PLEKHG1: variants seen among roughly 807,000 people sequenced by gnomAD.
PLEKHG1 encodes pleckstrin homology and RhoGEF domain containing G1, also known as pleckstrin homology domain-containing family G member 1.
Under a neutral mutation model 100.8 loss-of-function variants are expected in PLEKHG1, and 44 were observed. The ratio of observed to expected loss-of-function variants is 0.44; its 90% CI spans 0.34 to 0.56. PLEKHG1 has a LOEUF of 0.56. Among genes scored for constraint, PLEKHG1 ranks in the 20% least tolerant of loss-of-function variants. The pLI is 0.01. For missense variants in PLEKHG1, 1,545 were observed against 1,720.9 expected, an observed-to-expected ratio of 0.90 and a Z score of 1.81; for synonymous variants, 640 against 662.5, an observed-to-expected ratio of 0.97 and a Z score of 0.52.
exon 16 of PLEKHG1, chr6:150,840,055 G>A: frequency 3.7e-6 from 6 of 1,614,146 alleles, no homozygotes; most frequent in Non-Finnish European, 4.2e-6. Context: ...CAAGACTTGA[G>A]GTCAAGATAT....
chr6:150,812,835 A>C (rs140742773), intron 10 of PLEKHG1, among the ~76,000 whole-genome samples: 227 of 152,160 alleles, frequency 1.5e-3, no homozygotes, highest in African/African-American at 5.3e-3. Context: ...CTCATCTTGG[A>C]AAGGGCTGGA....
chr6:150,637,056 GTCACCCTACTCATGACC>G (rs1194436894), intron 1 of PLEKHG1, among the ~76,000 whole-genome samples: 1 of 152,192 alleles, frequency 6.6e-6, no homozygotes, highest in Non-Finnish European at 1.5e-5. Flanking sequence ...AAGAGGGTCT[GTCACCCTACTCATGACC>G]TCCCAATTAG....
At chr6:150,758,925 T>C (rs1323388363) in intron 2 of PLEKHG1, among the ~76,000 whole-genome samples, 4 of 152,234 alleles carry the variant, frequency 2.6e-5, no homozygotes, top group Non-Finnish European at 5.9e-5. Flanking sequence ...CACCCTGCTT[T>C]CCAGGCTCCC....
At chr6:150,734,044 T>C (rs761511301) in exon 2 of PLEKHG1, 1 of 1,614,042 alleles carries the variant, frequency 6.2e-7, no homozygotes, top group Non-Finnish European at 8.5e-7. Context: ...TTCAGGAAAT[T>C]CTGGAAACCG....
chr6:150,676,270 G>C (rs1452620359), intron 3 of PLEKHG1, among the ~76,000 whole-genome samples: 1 of 152,196 alleles, frequency 6.6e-6, no homozygotes, highest in African/African-American at 2.4e-5. Context: ...CACAACGTCA[G>C]ATTCTAATTG....
At chr6:150,795,972 A>G in intron 5 of PLEKHG1, 70 bp downstream of exon 6, 1 of 968,528 alleles carries the variant, frequency 1.0e-6, no homozygotes, top group Non-Finnish European at 1.7e-6. Context: ...CTGGTGCAGT[A>G]CACATGGTTG....
chr6:150,834,362 T>C (rs1351861510), intron 15 of PLEKHG1, among the ~76,000 whole-genome samples: 1 of 152,158 alleles, frequency 6.6e-6, no homozygotes, highest in African/African-American at 2.4e-5. Flanking sequence ...ATATTGGCAA[T>C]TGCAAGCACT....
upstream of PLEKHG1, among the ~76,000 whole-genome samples, chr6:150,718,326 C>T (rs1302178491): frequency 6.6e-6 from 1 of 152,018 alleles, no homozygotes; most frequent in Non-Finnish European, 1.5e-5. Flanking sequence ...TGGTGGGGAG[C>T]ACTGGAACGC....
chr6:150,708,025 G>A (rs1024679374), intron 3 of PLEKHG1, among the ~76,000 whole-genome samples: 2 of 152,060 alleles, frequency 1.3e-5, no homozygotes, highest in African/African-American at 4.8e-5. Flanking sequence ...AATTCTCCTA[G>A]TGGGCCCCCC....
intron 4 of PLEKHG1, among the ~76,000 whole-genome samples, chr6:150,795,053 A>G (rs942971058): frequency 6.6e-6 from 1 of 152,084 alleles, no homozygotes; most frequent in Non-Finnish European, 1.5e-5. Flanking sequence ...AAAATTGGAG[A>G]ATGTGAAACC....
In PLEKHG1 at chr6:150,715,402, G is replaced by A. The variant is rs76891483; in HGVS notation, c.-98-18182G>A. ...TCTTATTTACAGGAGGAAGGTCAGC[G>A]TGTTCTTCTGAGGGACTTCAGTGCG... On this transcript the variant is annotated intron_variant, in intron 3 of 3. Transcript: ENST00000367326. Among the ~76,000 whole-genome samples, 296 of 152,120 alleles carry A rather than the reference G, an allele frequency of 1.9e-3. 9 individuals are homozygous for A. The East Asian group carries it at 0.045, about 23-fold the overall frequency.
upstream of PLEKHG1, among the ~76,000 whole-genome samples, chr6:150,717,970 C>G (rs1324563651): frequency 6.6e-6 from 1 of 152,064 alleles, no homozygotes; most frequent in Admixed American, 6.6e-5. Flanking sequence ...CCCAGCTACT[C>G]AGGAGGCTGA....
intron 2 of PLEKHG1, among the ~76,000 whole-genome samples, chr6:150,648,245 A>G (rs1442017851): frequency 1.3e-5 from 2 of 152,118 alleles, no homozygotes; most frequent in East Asian, 1.9e-4. Flanking sequence ...CTTTTATGGT[A>G]TCTTTCTAGG....
At chr6:150,681,007 C>T (rs1779910190) in intron 3 of PLEKHG1, among the ~76,000 whole-genome samples, 1 of 152,176 alleles carries the variant, frequency 6.6e-6, no homozygotes, top group African/African-American at 2.4e-5. Flanking sequence ...ATATAGAGTC[C>T]AAATTCTATA....
At chr6:150,673,824 C>G (rs573766595) in intron 3 of PLEKHG1, among the ~76,000 whole-genome samples, 1 of 152,236 alleles carries the variant, frequency 6.6e-6, no homozygotes, top group East Asian at 1.9e-4. Flanking sequence ...CCATGCCTGG[C>G]TAAATTTTTT....
intron 15 of PLEKHG1, among the ~76,000 whole-genome samples, chr6:150,838,456 A>T (rs766208303): frequency 3.9e-5 from 6 of 152,166 alleles, no homozygotes; most frequent in Admixed American, 6.5e-5. Flanking sequence ...AGTGTATTTT[A>T]TGTGTGTCCC....
intron 2 of PLEKHG1, among the ~76,000 whole-genome samples, chr6:150,754,259 G>A (rs1783691809): frequency 6.6e-6 from 1 of 152,140 alleles, no homozygotes. Context: ...CAGGGAACAG[G>A]GACATTCCTG....
chr6:150,634,250 C>CAAAAAA (rs139347441), intron 1 of PLEKHG1, among the ~76,000 whole-genome samples: 1,344 of 120,274 alleles, frequency 0.011, 37 homozygotes, highest in African/African-American at 0.04. Context: ...ATCTCCCCCC[C>CAAAAAA]AAAAAAAAAA....
chr6:150,672,718 A>G (rs1779621077), intron 3 of PLEKHG1, among the ~76,000 whole-genome samples: 1 of 152,188 alleles, frequency 6.6e-6, no homozygotes, highest in Non-Finnish European at 1.5e-5. Flanking sequence ...GGAAGATGAG[A>G]GTCCTCATTT....
Sources: gnomAD v4.1 joint callset for allele counts (sites outside exome capture counted in the v4.1 genomes callset) on GRCh38, gnomAD v4.1.1 for gene constraint, MANE v1.5 for transcripts, NCBI Gene and HGNC (gene_info 2026-07-23, HGNC 2026-07-21) for gene names.